Variants in KLHL29 observed in about 807,000 individuals in gnomAD.
KLHL29 encodes the protein kelch like family member 29, also known as kelch-like protein 29.
A neutral mutation model predicts 80.4 loss-of-function variants in KLHL29; 21 were observed. That is an observed-to-expected ratio of 0.26 (90% confidence interval 0.19 to 0.38). The LOEUF (loss-of-function observed/expected upper bound fraction) is 0.38. KLHL29 is among the 10% of genes least tolerant of loss of function. The probability of loss-of-function intolerance (pLI) is 1.00; values close to 1 mark genes in which losing one functional copy is unlikely to be tolerated. For missense variants in KLHL29, 867 were observed against 1,223.9 expected (o/e 0.71, Z 4.35); for synonymous variants, 511 against 526.8 (o/e 0.97, Z 0.41).
chr2:23,574,182 G>A (rs1180803331), intron 3 of KLHL29, among the ~76,000 whole-genome samples: 3 of 152,150 alleles, frequency 2.0e-5, no homozygotes, highest in Non-Finnish European at 4.4e-5. Context: ...GAGGGAAGAA[G>A]GAAAAGGTCA....
chr2:23,479,210 G>T (rs192339470), intron 2 of KLHL29, among the ~76,000 whole-genome samples: 1 of 150,926 alleles, frequency 6.6e-6, no homozygotes, highest in Non-Finnish European at 1.5e-5. Flanking sequence ...GTATGTGGGC[G>T]CTCACACCCC....
At chr2:23,466,160 G>A (rs1052400016) in intron 1 of KLHL29, among the ~76,000 whole-genome samples, 9 of 152,100 alleles carry the variant, frequency 5.9e-5, no homozygotes, top group African/African-American at 2.2e-4. Flanking sequence ...CACCATTTCC[G>A]TCCGCTGGGG....
intron 2 of KLHL29, among the ~76,000 whole-genome samples, chr2:23,526,884 C>G (rs1666341897): frequency 6.6e-6 from 1 of 152,042 alleles, no homozygotes; most frequent in African/African-American, 2.4e-5. Flanking sequence ...TTTTTTTGTC[C>G]ACCACCACCA....
intron 2 of KLHL29, among the ~76,000 whole-genome samples, chr2:23,485,321 C>T (rs909864524): frequency 6.6e-6 from 1 of 152,180 alleles, no homozygotes; most frequent in African/African-American, 2.4e-5. Flanking sequence ...AGAAGGCTCT[C>T]AAATGTTTCT....
At position 23,457,445 on chromosome 2, in the gene KLHL29, G is replaced by A. The variant is rs1664086181; in HGVS notation, c.-153-18115G>A. Among the ~76,000 whole-genome samples, 1 of 152,152 alleles carries A rather than the reference G, an allele frequency of 6.6e-6. No homozygotes were observed. The highest frequency in any genetic ancestry group is 1.5e-5 in the Non-Finnish European group (1 of 68,036). The stretch of plus-strand genomic sequence containing the variant: ...CATTAAGTGGTTTTGGCATGGTTCT[G>A]GGGCCCTTCCCCTCCAGGACCCCTG... On this transcript the variant is annotated intron_variant, in intron 1 of 13. Transcript: ENST00000486442. This position sits in a 1 kb window ranked among gnomAD's most constrained non-coding sequence, Gnocchi z 4.3.
chr2:23,664,321 T>G (rs1276795732), intron 5 of KLHL29, among the ~76,000 whole-genome samples: 1 of 152,238 alleles, frequency 6.6e-6, no homozygotes, highest in Non-Finnish European at 1.5e-5. Context: ...TTCTTGGGAC[T>G]CTGTCCAGGT....
chr2:23,419,900 G>A (rs1326806621), intron 1 of KLHL29, among the ~76,000 whole-genome samples: 1 of 152,170 alleles, frequency 6.6e-6, no homozygotes, highest in Non-Finnish European at 1.5e-5. Flanking sequence ...GTCCCAGCTC[G>A]GCTGTTGACT....
rs1301019018 is a variant in KLHL29 at position 23,642,581 on chromosome 2, A to G, written c.671A>G (p.Gln224Arg). 6.5e-7 allele frequency: 1 copy of G among 1,549,806 alleles called. No individual in the cohort carries two copies. Among genetic ancestry groups the G allele is most frequent in the Non-Finnish European group, 8.7e-7 (1 of 1,146,448 alleles). The change falls in exon 5 of 14, where the codon CAG becomes CGG. Residue 224 changes from glutamine (Q) to arginine (R), a missense_variant. This residue lies in a region of KLHL29 where 424 missense variants were observed against 456.9 expected (regional missense o/e 0.93). Coordinates refer to ENST00000486442, the MANE Select transcript of KLHL29 (RefSeq NM_052920.2). ...LSSVVVNMPA[Q>R]ALYASPQPLA... ...AGCGTGGTGGTCAACATGCCTGCCC[A>G]GGCCCTGTATGCCAGCCCTCAGCCC...
rs774317884 is a variant in KLHL29 at position 23,696,145 on chromosome 2, C to T, written c.1924+12C>T. On this transcript the variant is annotated intron_variant, in intron 10 of 13. Transcript: ENST00000486442. This position sits in a 1 kb window ranked among gnomAD's most constrained non-coding sequence, Gnocchi z 5.5. ...CATCTACCTCTCAGGTGAGGCCCCCCGGGGTTGGGGCGGGACCAGGCATGG... is the reference window on the plus strand; with the variant it reads ...CATCTACCTCTCAGGTGAGGCCCCCTGGGGTTGGGGCGGGACCAGGCATGG... 2.4e-5 allele frequency: 37 copies of T among 1,548,934 alleles called. No individual in the cohort carries two copies. Among genetic ancestry groups the T allele is most frequent in the Admixed American group, 1.2e-4 (6 of 50,864 alleles).
chr2:23,547,254 C>T (rs956225303), intron 2 of KLHL29, among the ~76,000 whole-genome samples: 3 of 152,296 alleles, frequency 2.0e-5, no homozygotes, highest in African/African-American at 7.2e-5. Context: ...CAGAGAAGGG[C>T]GATGCTGCCA....
intron 5 of KLHL29, among the ~76,000 whole-genome samples, chr2:23,664,787 T>A (rs1384885064): frequency 6.6e-6 from 1 of 151,780 alleles, no homozygotes; most frequent in Admixed American, 6.6e-5. Context: ...GACCCCAGAC[T>A]CATTGGCAGG....
chr2:23,682,141 C>A lies in KLHL29; in HGVS notation c.941-2258C>A, dbSNP rs1671102609. 6.6e-6 allele frequency among the ~76,000 whole-genome samples: 1 copy of A among 152,160 alleles called. No individual in the cohort carries two copies. Among genetic ancestry groups the A allele is most frequent in the Non-Finnish European group, 1.5e-5 (1 of 68,024 alleles). On this transcript the variant is annotated intron_variant, in intron 5 of 13. Transcript: ENST00000486442. This position sits in a 1 kb window ranked among gnomAD's most constrained non-coding sequence, Gnocchi z 4.1. ...CTCCCCACTTCCTTCCTGCACTGAGCCCCACGGGGTCCACACGCTCCTGTT... is the reference window on the plus strand; with the variant it reads ...CTCCCCACTTCCTTCCTGCACTGAGACCCACGGGGTCCACACGCTCCTGTT...
intron 5 of KLHL29, among the ~76,000 whole-genome samples, chr2:23,678,935 G>A (rs1330097864): frequency 6.6e-6 from 1 of 152,116 alleles, no homozygotes. Context: ...GTTGTTTAAT[G>A]GGTGTGGAGT....
chr2:23,454,231 C>T (rs1292715553), intron 1 of KLHL29, among the ~76,000 whole-genome samples: 2 of 152,094 alleles, frequency 1.3e-5, no homozygotes, highest in South Asian at 4.2e-4. Flanking sequence ...CTGACCCTCC[C>T]GCCCCGGCCC....
intron 3 of KLHL29, among the ~76,000 whole-genome samples, chr2:23,586,796 C>T (rs934659597): frequency 2.0e-5 from 3 of 152,106 alleles, no homozygotes; most frequent in Non-Finnish European, 2.9e-5. Context: ...GGCTGCCTGC[C>T]CCTCTCCCTT....
chr2:23,397,134 G>A (rs1289356615), intron 1 of KLHL29, among the ~76,000 whole-genome samples: 3 of 152,196 alleles, frequency 2.0e-5, no homozygotes, highest in Non-Finnish European at 4.4e-5. Context: ...AGGGAAGGTC[G>A]CAGGCAGCCG....
At chr2:23,580,227 C>T (rs939747970) in intron 3 of KLHL29, among the ~76,000 whole-genome samples, 4 of 151,342 alleles carry the variant, frequency 2.6e-5, no homozygotes, top group Admixed American at 6.6e-5. Context: ...AAAAAGCTAG[C>T]CGGGCATGGT....
In KLHL29 at chr2:23,520,186, C is replaced by A. The variant is rs1479050731; in HGVS notation, c.-45-41966C>A. Among the ~76,000 whole-genome samples, 3 of 152,180 alleles carry A rather than the reference C, an allele frequency of 2.0e-5. No homozygotes were observed. The East Asian group carries it at 5.8e-4, about 29-fold the overall frequency. ...TGACCACCCCAGGTGAGGGTGAAGC[C>A]CTCTGCTAAATAGAAAGCAGCCCAG... On this transcript the variant is annotated intron_variant, in intron 2 of 13. Coordinates refer to ENST00000486442, the MANE Select transcript of KLHL29 (RefSeq NM_052920.2).
At chr2:23,386,368 A>T (rs1218456189) in intron 1 of KLHL29, among the ~76,000 whole-genome samples, 1 of 152,156 alleles carries the variant, frequency 6.6e-6, no homozygotes, top group East Asian at 1.9e-4. Flanking sequence ...TTCGAGGTAG[A>T]TGAGCTCGAA....
Sources: allele counts gnomAD v4.1 joint callset (sites outside exome capture counted in the v4.1 genomes callset), GRCh38; gene constraint gnomAD v4.1.1; regional missense constraint gnomAD v4.1.1; non-coding constraint Gnocchi (gnomAD v3.1); transcripts MANE v1.5; gene names NCBI Gene and HGNC (gene_info 2026-07-23, HGNC 2026-07-21).